GABRG3: variants seen among roughly 807,000 people sequenced by gnomAD.
GABRG3 encodes the protein gamma-aminobutyric acid receptor subunit gamma-3.
In GABRG3, 25 loss-of-function variants were observed where a neutral mutation model predicts 48.8. The ratio of observed to expected loss-of-function variants is 0.51; its 90% CI spans 0.37 to 0.72. The LOEUF (loss-of-function observed/expected upper bound fraction) is 0.72. Among genes scored for constraint, GABRG3 ranks in the 30% least tolerant of loss-of-function variants. The pLI is 0.00. For synonymous variants in GABRG3, 227 were observed against 217.6 expected, an observed-to-expected ratio of 1.04 and a Z score of -0.38; for missense variants, 394 against 577.9, an observed-to-expected ratio of 0.68 and a Z score of 3.26.
intron 3 of GABRG3, among the ~76,000 whole-genome samples, chr15:27,070,135 G>C (rs1896803881): frequency 6.6e-6 from 1 of 152,234 alleles, no homozygotes; most frequent in Non-Finnish European, 1.5e-5. Context: ...GTGAGGACAG[G>C]GCAAGTGCCC....
chr15:27,056,266 A>C (rs1236918782), intron 3 of GABRG3, among the ~76,000 whole-genome samples: 2 of 149,768 alleles, frequency 1.3e-5, no homozygotes, highest in Non-Finnish European at 3.0e-5. Context: ...TGGGAGGATC[A>C]CTTGAGCCTG....
intron 5 of GABRG3, among the ~76,000 whole-genome samples, chr15:27,366,764 A>T (rs74006909): frequency 0.04 from 6,140 of 152,086 alleles, 403 homozygotes; most frequent in African/African-American, 0.14. Flanking sequence ...GTAGACCTGT[A>T]TGGCTGCTAA....
At chr15:27,527,289 A>C in intron 7 of GABRG3, 144 bp from the exon 8 acceptor site, 1 of 612,776 alleles carries the variant, frequency 1.6e-6, no homozygotes, top group East Asian at 2.8e-5. Context: ...TGGACATTAA[A>C]ATTCAAAGTA....
chr15:27,026,853 G>T, intron 3 of GABRG3, 32 bp downstream of exon 3: 1 of 1,470,126 alleles, frequency 6.8e-7, no homozygotes, highest in South Asian at 1.2e-5. Flanking sequence ...TGATCTAACG[G>T]CTGTTGCACC....
intron 2 of GABRG3, among the ~76,000 whole-genome samples, chr15:26,997,443 TA>T (rs1409772863): frequency 1.3e-5 from 2 of 152,188 alleles, no homozygotes; most frequent in African/African-American, 4.8e-5. Context: ...TGAAAAAATA[TA>T]TAACAACTCT....
intron 3 of GABRG3, among the ~76,000 whole-genome samples, chr15:27,094,240 G>A (rs1456534100): frequency 2.0e-5 from 3 of 152,156 alleles, no homozygotes; most frequent in African/African-American, 7.2e-5. Context: ...GAGGCTGCAG[G>A]GGTGAGCATT....
intron 3 of GABRG3, among the ~76,000 whole-genome samples, chr15:27,207,763 C>T (rs1050777865): frequency 6.6e-6 from 1 of 152,210 alleles, no homozygotes; most frequent in Non-Finnish European, 1.5e-5. Context: ...TTGGGAAGGG[C>T]AATCATGAGG....
At position 27,319,074 on chromosome 15, in the gene GABRG3, A is replaced by G. The variant is rs1335002661; in HGVS notation, c.271-7735A>G. ...TAAATGTTCTCACCACCATAAAAAA[A>G]TAAAAGGCAACTGTGAGGTGATGGA... On this transcript the variant is annotated intron_variant, in intron 3 of 9. Transcript: ENST00000615808. The surrounding 1 kb of genome is among the most constrained non-coding windows in gnomAD (Gnocchi z 4.4). Among the ~76,000 whole-genome samples the G allele has an allele frequency of 1.3e-5, 2 of 152,224 alleles. No individual in the cohort carries two copies. The highest frequency in any genetic ancestry group is 6.5e-5 in the Admixed American group (1 of 15,284).
rs967880625 is a variant in GABRG3 at position 27,533,068 on chromosome 15, A to G, written c.*187A>G. 87 of 578,770 alleles carry G rather than the reference A, an allele frequency of 1.5e-4. No individual in the cohort carries two copies. The highest frequency in any genetic ancestry group is 1.5e-4 in the Admixed American group (5 of 32,320). The allele number at this position is 578,770 out of a possible 1,614,324, so 35.9% of individuals were successfully genotyped here. The stretch of plus-strand genomic sequence containing the variant: ...TCTATTATGTATTTTACACACACAC[A>G]TACATACACACACACAGCTAATTGA... On this transcript the variant is annotated 3_prime_UTR_variant, in exon 10 of 10. Transcript: ENST00000615808.
chr15:27,205,186 G>A (rs953791914), intron 3 of GABRG3, among the ~76,000 whole-genome samples: 3 of 152,038 alleles, frequency 2.0e-5, no homozygotes, highest in Non-Finnish European at 2.9e-5. Context: ...GATTTTGGCT[G>A]TGGATTTGTC....
At chr15:27,043,011 G>A (rs911017652) in intron 3 of GABRG3, among the ~76,000 whole-genome samples, 4 of 152,174 alleles carry the variant, frequency 2.6e-5, no homozygotes, top group Admixed American at 1.3e-4. Context: ...CGGGCTCCGC[G>A]TCCAGCCCTG....
intron 2 of GABRG3, among the ~76,000 whole-genome samples, chr15:27,023,719 C>T (rs796080331): frequency 2.5e-4 from 38 of 152,304 alleles, no homozygotes; most frequent in African/African-American, 8.4e-4. Context: ...TGTCGATGAG[C>T]ACTTGAACTG....
intron 2 of GABRG3, among the ~76,000 whole-genome samples, chr15:27,015,411 A>C (rs1347043626): frequency 3.0e-5 from 4 of 132,250 alleles, no homozygotes; most frequent in African/African-American, 1.2e-4. Flanking sequence ...TTGAGATGGA[A>C]TCTCGCTCTG....
intron 6 of GABRG3, among the ~76,000 whole-genome samples, chr15:27,493,345 G>C (rs999213835): frequency 6.6e-6 from 1 of 151,918 alleles, no homozygotes; most frequent in Non-Finnish European, 1.5e-5. Context: ...CTATCTCCTA[G>C]TAAAGATCAC....
intron 3 of GABRG3, among the ~76,000 whole-genome samples, chr15:27,027,318 C>T (rs1375375674): frequency 1.3e-5 from 2 of 152,184 alleles, no homozygotes; most frequent in Non-Finnish European, 2.9e-5. Flanking sequence ...GGGTGAGAGC[C>T]TTCTGTGGTG....
At chr15:27,509,226 A>C (rs946825605) in intron 6 of GABRG3, among the ~76,000 whole-genome samples, 5 of 152,168 alleles carry the variant, frequency 3.3e-5, no homozygotes, top group South Asian at 4.1e-4. Context: ...AAAAAGCAAA[A>C]AGCAAAAATG....
intron 3 of GABRG3, among the ~76,000 whole-genome samples, chr15:27,308,300 T>TAAA (rs1566773727): frequency 4.3e-5 from 5 of 115,606 alleles, no homozygotes; most frequent in African/African-American, 2.0e-4. Flanking sequence ...TATATAAACA[T>TAAA]CATATAAACA....
chr15:27,282,419 C>T (rs768438879), intron 3 of GABRG3, among the ~76,000 whole-genome samples: 3 of 152,162 alleles, frequency 2.0e-5, no homozygotes, highest in African/African-American at 2.4e-5. Flanking sequence ...TTTCCTCTGT[C>T]GTTAACATTG....
intron 3 of GABRG3, among the ~76,000 whole-genome samples, chr15:27,276,242 G>C (rs1891249433): frequency 6.6e-6 from 1 of 152,338 alleles, no homozygotes; most frequent in South Asian, 2.1e-4. Flanking sequence ...GGCATTCTTT[G>C]TGATGGATTT....
Sources: gnomAD v4.1 joint callset for allele counts (sites outside exome capture counted in the v4.1 genomes callset) on GRCh38, gnomAD v4.1.1 for gene constraint, Gnocchi (gnomAD v3.1) non-coding constraint, MANE v1.5 for transcripts, NCBI Gene and HGNC (gene_info 2026-07-23, HGNC 2026-07-21) for gene names.